Variants in MKLN1 observed in about 807,000 individuals in gnomAD.
The protein encoded by MKLN1 is muskelin.
A neutral mutation model predicts 99.0 loss-of-function variants in MKLN1; 18 were observed. The observed-to-expected ratio is 0.18, with a 90% CI of 0.13 to 0.27. The LOEUF (loss-of-function observed/expected upper bound fraction) is 0.27, where lower values mean the gene tolerates loss of function less well. MKLN1 is among the 10% of genes least tolerant of loss of function. The pLI is 1.00. For synonymous variants in MKLN1, 288 were observed against 293.2 expected, an observed-to-expected ratio of 0.98 and a Z score of 0.18; for missense variants, 621 against 875.9, an observed-to-expected ratio of 0.71 and a Z score of 3.67.
Position 131,201,101 on chromosome 7 carries a change from C to T in MKLN1, c.-296-1756C>T, listed in dbSNP as rs546109193. Among the ~76,000 whole-genome samples the T allele has an allele frequency of 2.0e-5, 3 of 152,264 alleles. No individual in the cohort carries two copies. The South Asian group carries it at 6.2e-4, about 32-fold the overall frequency. ...GCGGTGCCATCTCAGCTCACTGCAACCTTCGCCTCCTGAATTCAAGCTATT... is the reference window on the plus strand; with the variant it reads ...GCGGTGCCATCTCAGCTCACTGCAATCTTCGCCTCCTGAATTCAAGCTATT... On this transcript the variant is annotated intron_variant, in intron 2 of 7. Coordinates refer to the MKLN1 transcript ENST00000416992.
chr7:131,478,539 C>A, intron 16 of MKLN1, 84 bp from the exon 17 acceptor site: 2 of 1,359,510 alleles, frequency 1.5e-6, no homozygotes, highest in South Asian at 3.4e-5. Flanking sequence ...GATAAATGGT[C>A]AAAGTTATAG....
intron 3 of MKLN1, among the ~76,000 whole-genome samples, chr7:131,262,297 C>T (rs569590790): frequency 9.2e-5 from 14 of 151,688 alleles, no homozygotes; most frequent in African/African-American, 3.1e-4. Flanking sequence ...ATTAGCTGGT[C>T]GTGGTGGCGT....
chr7:131,337,194 A>T (rs1313075017), intron 1 of MKLN1, among the ~76,000 whole-genome samples: 4 of 152,050 alleles, frequency 2.6e-5, no homozygotes. Context: ...GATGCACCTA[A>T]GAATGGTTTT....
At chr7:131,417,006 C>CA (rs1211965887) in intron 8 of MKLN1, among the ~76,000 whole-genome samples, 1 of 141,342 alleles carries the variant, frequency 7.1e-6, no homozygotes, top group African/African-American at 2.6e-5. Flanking sequence ...AAAAAAAACT[C>CA]AAAGAGGAAA....
rs34732483 is a variant in MKLN1, at chr7:131,291,580, T to TTA, written c.-178-83823_-178-83822dup. 8.4e-3 allele frequency among the ~76,000 whole-genome samples: 1,224 copies of TTA among 145,156 alleles called. 8 individuals are homozygous for TTA. The highest frequency in any genetic ancestry group is 0.018 in the Middle Eastern group (5 of 280). On this transcript the variant is annotated intron_variant, in intron 3 of 7. Transcript: ENST00000416992. ...TAACACAGAATACAGCTTTCATTTA[T>TTA]TATATATATATATATATATATAATA...
chr7:131,150,087 C>T (rs746353368), intron 2 of MKLN1, among the ~76,000 whole-genome samples: 4 of 152,040 alleles, frequency 2.6e-5, no homozygotes, highest in Non-Finnish European at 4.4e-5. Context: ...TACTTGTTTT[C>T]GCAACTAGAT....
intron 1 of MKLN1, among the ~76,000 whole-genome samples, chr7:131,358,036 CA>C (rs1182375669): frequency 6.6e-6 from 1 of 152,150 alleles, no homozygotes; most frequent in Non-Finnish European, 1.5e-5. Context: ...ATTTCCTTCT[CA>C]ATGTGTAGAC....
At position 131,273,690 on chromosome 7, in the gene MKLN1, T is replaced by G. The variant is rs977308552; in HGVS notation, c.-179+70716T>G. Among the ~76,000 whole-genome samples the G allele has an allele frequency of 2.6e-5, 4 of 151,122 alleles. 1 individual carries two copies. The South Asian group carries it at 8.4e-4, about 32-fold the overall frequency. On this transcript the variant is annotated intron_variant, in intron 3 of 7. Transcript: ENST00000416992. The stretch of plus-strand genomic sequence containing the variant: ...CCCAGGCTGGAGTGCAGTGGCATAA[T>G]CATAGCTCATTGCAGCTTTGACTTC...
intron 2 of MKLN1, among the ~76,000 whole-genome samples, chr7:131,169,276 T>C (rs1305714244): frequency 1.3e-5 from 2 of 152,236 alleles, no homozygotes; most frequent in African/African-American, 2.4e-5. Flanking sequence ...TAACTTATTA[T>C]ATAGGCATTG....
chr7:131,476,804 A>G (rs1796980452), intron 16 of MKLN1, among the ~76,000 whole-genome samples: 1 of 152,208 alleles, frequency 6.6e-6, no homozygotes, highest in Non-Finnish European at 1.5e-5. Context: ...AAAAGAAAAA[A>G]TTGGAAGCTT....
At chr7:131,339,866 G>A (rs964758528) in intron 1 of MKLN1, among the ~76,000 whole-genome samples, 15 of 151,568 alleles carry the variant, frequency 9.9e-5, no homozygotes, top group African/African-American at 3.6e-4. Flanking sequence ...GTAAACTTTG[G>A]TTTTGTAAAT....
intron 1 of MKLN1, among the ~76,000 whole-genome samples, chr7:131,113,827 G>T (rs6955880): frequency 6.6e-6 from 1 of 152,076 alleles, no homozygotes; most frequent in African/African-American, 2.4e-5. Context: ...GGTGGAAGGC[G>T]AAGGGGAAGC....
chr7:131,140,833 G>A (rs989551169), intron 1 of MKLN1, among the ~76,000 whole-genome samples: 3 of 152,044 alleles, frequency 2.0e-5, no homozygotes, highest in Middle Eastern at 6.8e-3. Context: ...AGGCTGGAGG[G>A]CAGTGGCACG....
intron 3 of MKLN1, among the ~76,000 whole-genome samples, chr7:131,244,141 C>T (rs1797450079): frequency 6.6e-6 from 1 of 152,204 alleles, no homozygotes; most frequent in African/African-American, 2.4e-5. Context: ...CGATTTCCCT[C>T]TACTCCCCAG....
At chr7:131,167,671 CAA>C (rs59503509) in intron 2 of MKLN1, among the ~76,000 whole-genome samples, 14 of 116,088 alleles carry the variant, frequency 1.2e-4, no homozygotes, top group African/African-American at 1.3e-4. Context: ...GACTCTGTCT[CAA>C]AAAAAAAAAA....
At chr7:131,482,981 A>G (rs1160345237) in intron 17 of MKLN1, among the ~76,000 whole-genome samples, 1 of 152,234 alleles carries the variant, frequency 6.6e-6, no homozygotes, top group African/African-American at 2.4e-5. Flanking sequence ...GCAAACCAGG[A>G]TTAAAACCCT....
chr7:131,268,928 G>T (rs1267763797), intron 3 of MKLN1, among the ~76,000 whole-genome samples: 3 of 152,128 alleles, frequency 2.0e-5, no homozygotes, highest in Non-Finnish European at 4.4e-5. Context: ...CATCCCTCAA[G>T]CTCACTATTA....
At chr7:131,202,218 GAT>G (rs1165864948) in intron 2 of MKLN1, among the ~76,000 whole-genome samples, 1 of 122,282 alleles carries the variant, frequency 8.2e-6, no homozygotes, top group Non-Finnish European at 1.6e-5. Context: ...GGAGAGCAGT[GAT>G]GTGATCTCAG....
At chr7:131,335,775 T>G (rs529990056) in intron 1 of MKLN1, among the ~76,000 whole-genome samples, 4 of 151,924 alleles carry the variant, frequency 2.6e-5, no homozygotes, top group African/African-American at 4.8e-5. Context: ...GTTACTAATT[T>G]CTTAATTTCA....
Sources: gnomAD v4.1 joint callset for allele counts (sites outside exome capture counted in the v4.1 genomes callset) on GRCh38, gnomAD v4.1.1 for gene constraint, MANE v1.5 for transcripts, NCBI Gene and HGNC (gene_info 2026-07-23, HGNC 2026-07-21) for gene names.